The following RPS6KA2 variants were observed in gnomAD, a reference collection of about 807,000 sequenced individuals.
RPS6KA2 encodes the protein ribosomal protein S6 kinase A2.
In RPS6KA2, 42 loss-of-function variants were observed where a neutral mutation model predicts 91.8. That is an observed-to-expected ratio of 0.46 (90% CI 0.36 to 0.59). The LOEUF (loss-of-function observed/expected upper bound fraction) is 0.59. RPS6KA2 is among the 20% of genes least tolerant of loss of function. The pLI is 0.00. For missense variants in RPS6KA2, 798 were observed against 978.5 expected, an observed-to-expected ratio of 0.82 and a Z score of 2.46; for synonymous variants, 414 against 393.6, an observed-to-expected ratio of 1.05 and a Z score of -0.61.
At chr6:166,816,564 A>AC (rs879805329) in intron 2 of RPS6KA2, among the ~76,000 whole-genome samples, 1 of 151,862 alleles carries the variant, frequency 6.6e-6, no homozygotes, top group Non-Finnish European at 1.5e-5. Context: ...CAAAAAAAAA[A>AC]AAAAAAGAAT....
In RPS6KA2 at chr6:166,635,635, T is replaced by G. The variant is rs559060277; in HGVS notation, c.124-96851A>C. ...GGCAGAAGAGGGGTGCTAGGTCACA[T>G]GGTAGAGAGCCCCATGGAGTTTACC... On this transcript the variant is annotated intron_variant, in intron 2 of 21. Coordinates refer to the RPS6KA2 transcript ENST00000503859. The surrounding 1 kb of genome is among the most constrained non-coding windows in gnomAD (Gnocchi z 4.8). Among the ~76,000 whole-genome samples the G allele has an allele frequency of 2.0e-5, 3 of 152,080 alleles. No individual in the cohort carries two copies. The highest frequency in any genetic ancestry group is 4.4e-5 in the Non-Finnish European group (3 of 68,014).
intron 10 of RPS6KA2, among the ~76,000 whole-genome samples, chr6:166,480,514 T>TATATATATATAAAA (rs1554279395): frequency 2.7e-5 from 3 of 110,760 alleles, no homozygotes; most frequent in East Asian, 2.4e-4. Flanking sequence ...TATATATATA[T>TATATATATATAAAA]AATATATTTT....
At chr6:166,795,427 T>C (rs1382889887) in intron 2 of RPS6KA2, among the ~76,000 whole-genome samples, 3 of 152,230 alleles carry the variant, frequency 2.0e-5, no homozygotes, top group Non-Finnish European at 4.4e-5. Flanking sequence ...GTCCCAGTGG[T>C]CAGGTGAACA....
chr6:166,457,236 C>T (rs1445596589), intron 12 of RPS6KA2, among the ~76,000 whole-genome samples: 2 of 152,238 alleles, frequency 1.3e-5, no homozygotes, highest in Non-Finnish European at 2.9e-5. Context: ...GCTCCTTTTA[C>T]ATTCAGGCCA....
chr6:166,608,413 T>C (rs1786033160), intron 1 of RPS6KA2, among the ~76,000 whole-genome samples: 1 of 152,132 alleles, frequency 6.6e-6, no homozygotes, highest in Non-Finnish European at 1.5e-5. Context: ...AAATTAAAAA[T>C]GCTTGACTCA....
At chr6:166,608,846 A>T (rs1786050571) in intron 1 of RPS6KA2, among the ~76,000 whole-genome samples, 1 of 152,126 alleles carries the variant, frequency 6.6e-6, no homozygotes, top group South Asian at 2.1e-4. Context: ...TTAGGCCCAA[A>T]GTCATGTTTA....
intron 10 of RPS6KA2, among the ~76,000 whole-genome samples, chr6:166,478,460 CG>C (rs966662159): frequency 3.3e-4 from 51 of 152,282 alleles, no homozygotes; most frequent in African/African-American, 1.2e-3. Context: ...GTGGATTTCC[CG>C]GGTGAGCTTC....
intron 2 of RPS6KA2, among the ~76,000 whole-genome samples, chr6:166,740,223 C>G (rs1790773090): frequency 6.6e-6 from 1 of 152,212 alleles, no homozygotes; most frequent in Non-Finnish European, 1.5e-5. Context: ...GAGAAACCAT[C>G]TGGATTAAGT....
chr6:166,569,087 G>A (rs1426816657), intron 1 of RPS6KA2, among the ~76,000 whole-genome samples: 1 of 152,240 alleles, frequency 6.6e-6, no homozygotes, highest in Non-Finnish European at 1.5e-5. Flanking sequence ...AAACAAGTCT[G>A]TAAGTAAAAA....
intron 3 of RPS6KA2, among the ~76,000 whole-genome samples, 197 bp from the exon 4 acceptor site, chr6:166,510,554 C>T (rs12110375): frequency 1.9e-4 from 15 of 78,740 alleles, no homozygotes; most frequent in African/African-American, 8.3e-4. Flanking sequence ...TTCTCTCTCT[C>T]ATATATATAT....
intron 5 of RPS6KA2, among the ~76,000 whole-genome samples, chr6:166,506,359 C>T (rs1465613269): frequency 6.6e-6 from 1 of 152,174 alleles, no homozygotes; most frequent in Non-Finnish European, 1.5e-5. Flanking sequence ...TCAGGGGGCC[C>T]AACCACAGGC....
intron 2 of RPS6KA2, among the ~76,000 whole-genome samples, chr6:166,748,693 C>T (rs1434734809): frequency 1.2e-4 from 6 of 49,140 alleles, no homozygotes; most frequent in East Asian, 1.0e-3. Context: ...CCCATTTCCT[C>T]AGGCCCCCAC....
chr6:166,718,106 C>T (rs1790067112), intron 2 of RPS6KA2, among the ~76,000 whole-genome samples: 1 of 152,218 alleles, frequency 6.6e-6, no homozygotes, highest in African/African-American at 2.4e-5. Flanking sequence ...CCTCGGCCTC[C>T]CAAAGTGCTG....
chr6:166,718,890 G>C (rs1790094908), intron 2 of RPS6KA2, among the ~76,000 whole-genome samples: 1 of 152,198 alleles, frequency 6.6e-6, no homozygotes. Context: ...GGCTAATTAG[G>C]TTAAAAGTCT....
intron 1 of RPS6KA2, among the ~76,000 whole-genome samples, chr6:166,591,991 TCA>T (rs2128521659): frequency 6.6e-6 from 1 of 152,096 alleles, no homozygotes; most frequent in South Asian, 2.1e-4. Flanking sequence ...CAGAAATCAC[TCA>T]GAGCTTAGAC....
intron 2 of RPS6KA2, among the ~76,000 whole-genome samples, chr6:166,681,597 G>C (rs562609166): frequency 9.2e-4 from 140 of 151,796 alleles, no homozygotes; most frequent in African/African-American, 3.2e-3. Context: ...GCCCCGAAGG[G>C]AAAACTGTTC....
rs117592901 is a variant in RPS6KA2 at position 166,808,219 on chromosome 6, G to A, written c.123+49981C>T. Among the ~76,000 whole-genome samples the A allele has an allele frequency of 2.2e-3, 339 of 152,296 alleles. 2 individuals carry two copies. Among genetic ancestry groups the A allele is most frequent in the Non-Finnish European group, 3.5e-3 (238 of 68,030 alleles). ...CAGGGAGCAACTTTTCACCCAGGAC[G>A]CCCTGTTGGCCTGGACAGACCTTTC... On this transcript the variant is annotated intron_variant, in intron 2 of 21. Transcript: ENST00000503859.
At chr6:166,719,945 G>C (rs1292103274) in intron 2 of RPS6KA2, among the ~76,000 whole-genome samples, 1 of 152,240 alleles carries the variant, frequency 6.6e-6, no homozygotes, top group Non-Finnish European at 1.5e-5. Context: ...GCAAATTTCT[G>C]AAAGAGTGGC....
At chr6:166,416,794 CCACCATGCCTT>C (rs1252237433) in intron 19 of RPS6KA2, among the ~76,000 whole-genome samples, 1 of 151,952 alleles carries the variant, frequency 6.6e-6, no homozygotes. Flanking sequence ...ATCATTCCCT[CCACCATGCCTT>C]CACCATCACC....
Sources: gnomAD v4.1 joint callset for allele counts (sites outside exome capture counted in the v4.1 genomes callset) on GRCh38, gnomAD v4.1.1 for gene constraint, Gnocchi (gnomAD v3.1) non-coding constraint, MANE v1.5 for transcripts, NCBI Gene and HGNC (gene_info 2026-07-23, HGNC 2026-07-21) for gene names.